SUGT1: variants seen among roughly 807,000 people sequenced by gnomAD.
SUGT1 encodes the protein protein SGT1 homolog.
A neutral mutation model predicts 56.1 loss-of-function variants in SUGT1; 15 were observed. The observed-to-expected ratio is 0.27, with a 90% CI of 0.18 to 0.41. The LOEUF is 0.41. SUGT1 is among the 10% of genes least tolerant of loss of function. The pLI is 1.00. For missense variants in SUGT1, 347 were observed against 382.2 expected, an observed-to-expected ratio of 0.91 and a Z score of 0.77; for synonymous variants, 123 against 128.6, an observed-to-expected ratio of 0.96 and a Z score of 0.30.
chr13:52,680,425 C>G (rs946691423), intron 12 of SUGT1, among the ~76,000 whole-genome samples: 1 of 152,108 alleles, frequency 6.6e-6, no homozygotes, highest in Non-Finnish European at 1.5e-5. Context: ...GGATTTATCC[C>G]AGTAGCTGAG....
At chr13:52,657,264 T>C (rs1962212337) in intron 2 of SUGT1, among the ~76,000 whole-genome samples, 1 of 152,218 alleles carries the variant, frequency 6.6e-6, no homozygotes, top group South Asian at 2.1e-4. Flanking sequence ...CTGATAATAA[T>C]GATCATTTAT....
At chr13:52,682,627 A>T (rs1392779887) in intron 12 of SUGT1, among the ~76,000 whole-genome samples, 1 of 152,182 alleles carries the variant, frequency 6.6e-6, no homozygotes, top group East Asian at 1.9e-4. Flanking sequence ...TTTCTCATTG[A>T]ATTGCTTTTG....
At chr13:52,679,117 A>G (rs1222233340) in intron 11 of SUGT1, among the ~76,000 whole-genome samples, 1 of 152,222 alleles carries the variant, frequency 6.6e-6, no homozygotes, top group Non-Finnish European at 1.5e-5. Flanking sequence ...TGTGACTCAC[A>G]TTTGAGGCTG....
rs1029811638 is a variant in SUGT1 at position 52,696,434 on chromosome 13, C to T, written c.*8599C>T. Reference sequence around the variant, plus strand: ...GTTAGTTGCGGCTGTGTCTGTTTTACCTTGTGTGTCTTGGTCAGTTAGTGT... The same window carrying T: ...GTTAGTTGCGGCTGTGTCTGTTTTATCTTGTGTGTCTTGGTCAGTTAGTGT... On this transcript the variant is annotated 3_prime_UTR_variant, in exon 13 of 13. Transcript: ENST00000310528. 2 of 152,050 alleles carry T rather than the reference C, an allele frequency of 1.3e-5. No homozygotes were observed. Among genetic ancestry groups the T allele is most frequent in the Non-Finnish European group, 2.9e-5 (2 of 68,024 alleles). The allele number at this position is 152,050 out of a possible 1,614,324, so 9.4% of individuals were successfully genotyped here.
chr13:52,663,105 C>A lies in SUGT1; in HGVS notation c.392C>A (p.Ser131Tyr). The A allele has an allele frequency of 6.2e-7, 1 of 1,608,556 alleles. No homozygotes were observed. Among genetic ancestry groups the A allele is most frequent in the African/African-American group, 1.3e-5 (1 of 74,800 alleles). The change falls in exon 7 of 13, where the codon TCT (serine) becomes TAT (tyrosine). Residue 131 changes from serine to tyrosine, a missense_variant. Transcript: ENST00000310528. ...TTTTATGTTTTAATAGGCTCAGAAT[C>A]TGAGGTGGTAAGTCCAAAGTTTTCA... is the stretch of plus-strand genomic sequence containing the variant. ...RCQEAQNGSE[S>Y]EVWTHQSKIK... is the part of the protein sequence containing the mutation.
chr13:52,663,216 T>A, intron 7 of SUGT1, 104 bp downstream of exon 7: 1 of 1,191,536 alleles, frequency 8.4e-7, no homozygotes, highest in Non-Finnish European at 1.2e-6. Context: ...ATTTAAATAT[T>A]AAGCAATTCC....
At position 52,694,783 on chromosome 13, in the gene SUGT1, G is replaced by A. The variant is rs576892727; in HGVS notation, c.*6948G>A. 8 of 152,376 alleles carry A rather than the reference G, an allele frequency of 5.3e-5. No individual in the cohort carries two copies. Among genetic ancestry groups the A allele is most frequent in the East Asian group, 1.9e-4 (1 of 5,182 alleles). The allele number at this position is 152,376 out of a possible 1,614,324, so 9.4% of individuals were successfully genotyped here. A position where few individuals can be genotyped will look rare whatever the true frequency, so the allele number is the denominator to read the frequency against. On this transcript the variant is annotated 3_prime_UTR_variant, in exon 13 of 13. Transcript: ENST00000310528. The stretch of plus-strand genomic sequence containing the variant: ...TGGCTCACTGCAAGCTCCGCCTCCC[G>A]GTTCACGCCATTCTCATGCCTCAGC...
At position 52,653,162 on chromosome 13, in the gene SUGT1, T is replaced by A. The variant is rs1961992061; in HGVS notation, c.96+59T>A. ...CTTAGGGGAGCTGGGCCACTTCGGGTCCCCGCTGACCCGCCTTCTCCCCGC... is the reference window on the plus strand; with the variant it reads ...CTTAGGGGAGCTGGGCCACTTCGGGACCCCGCTGACCCGCCTTCTCCCCGC... On this transcript the variant is annotated intron_variant, in intron 2 of 12. Transcript: ENST00000310528. 5 of 1,604,602 alleles carry A rather than the reference T, an allele frequency of 3.1e-6. No homozygotes were observed. The South Asian group carries it at 5.5e-5, about 18-fold the overall frequency.
In SUGT1 at chr13:52,667,853, G is replaced by T. The variant is rs529259059; in HGVS notation, c.627+934G>T. Reference sequence around the variant, plus strand: ...ATAAGACTGAATTTTCAGCACCTTTGAAAGGAGGGCTGTGGACCAAATGAA... The same window carrying T: ...ATAAGACTGAATTTTCAGCACCTTTTAAAGGAGGGCTGTGGACCAAATGAA... On this transcript the variant is annotated intron_variant, in intron 10 of 12. Coordinates refer to ENST00000310528, the MANE Select transcript of SUGT1 (RefSeq NM_006704.5). Among the ~76,000 whole-genome samples the T allele has an allele frequency of 3.9e-4, 59 of 152,242 alleles. No individual in the cohort carries two copies. The South Asian group carries it at 6.4e-3, about 17-fold the overall frequency.
chr13:52,667,311 A>G (rs1962748518), intron 10 of SUGT1, among the ~76,000 whole-genome samples: 1 of 152,188 alleles, frequency 6.6e-6, no homozygotes, highest in Admixed American at 6.5e-5. Flanking sequence ...AGTTAAAAAT[A>G]CAAACTACAA....
In SUGT1 at chr13:52,665,803, C is replaced by T. The variant is rs1311270798; in HGVS notation, c.519+70C>T. 25 of 1,003,578 alleles carry T rather than the reference C, an allele frequency of 2.5e-5. 1 individual carries two copies. In the South Asian group the frequency reaches 3.0e-4, roughly 12 times the overall value. The allele number at this position is 1,003,578 out of a possible 1,614,324, so 62.2% of individuals were successfully genotyped here. A position where few individuals can be genotyped will look rare whatever the true frequency, so the allele number is the denominator to read the frequency against. ...CAAATTTAGTATATTGCAGAATAAT[C>T]GATAACGGTTTATCAGATAAATGCT... On this transcript the variant is annotated intron_variant, in intron 9 of 12. Coordinates refer to ENST00000310528, the MANE Select transcript of SUGT1 (RefSeq NM_006704.5).
rs143953246 is a variant in SUGT1 at position 52,688,820 on chromosome 13, G to T, written c.*985G>T. 1.8e-3 allele frequency: 281 copies of T among 152,280 alleles called. 2 individuals carry two copies. Among genetic ancestry groups the T allele is most frequent in the African/African-American group, 6.5e-3 (269 of 41,570 alleles). 9.4% of individuals were successfully genotyped at this position (152,280 alleles called of 1,614,324 possible). Reference sequence around the variant, plus strand: ...AGCAGGGAAAAAAAATAACATTCATGAAGGAACTGTGGAAAGATTGAATGC... The same window carrying T: ...AGCAGGGAAAAAAAATAACATTCATTAAGGAACTGTGGAAAGATTGAATGC... On this transcript the variant is annotated 3_prime_UTR_variant, in exon 13 of 13. Transcript: ENST00000310528.
intron 10 of SUGT1, among the ~76,000 whole-genome samples, chr13:52,672,771 G>A (rs1339586845): frequency 6.6e-6 from 1 of 152,158 alleles, no homozygotes; most frequent in East Asian, 1.9e-4. Context: ...TAAGATGGTG[G>A]TGTCTGGATA....
Position 52,691,292 on chromosome 13 carries a change from CAAGTAA to C in SUGT1, c.*3459_*3464del, listed in dbSNP as rs1296649134. The C allele has an allele frequency of 1.3e-5, 2 of 152,090 alleles. No individual in the cohort carries two copies. The highest frequency in any genetic ancestry group is 6.6e-5 in the Admixed American group (1 of 15,262). The allele number at this position is 152,090 out of a possible 1,614,324, so 9.4% of individuals were successfully genotyped here. On this transcript the variant is annotated 3_prime_UTR_variant, in exon 13 of 13. Coordinates refer to ENST00000310528, the MANE Select transcript of SUGT1 (RefSeq NM_006704.5). ...AGCCACCATGCCCAGTTATGAACTT[CAAGTAA>C]ATATTTAAAATGGAGATACATCACA...
At chr13:52,654,297 A>G (rs1962057218) in intron 2 of SUGT1, among the ~76,000 whole-genome samples, 1 of 152,216 alleles carries the variant, frequency 6.6e-6, no homozygotes. Flanking sequence ...AATTTCTTGT[A>G]TTAGCTAGAC....
intron 2 of SUGT1, 131 bp downstream of exon 2, chr13:52,653,234 C>G (rs1961996520): frequency 2.8e-6 from 3 of 1,085,902 alleles, no homozygotes; most frequent in African/African-American, 3.2e-5. Context: ...CGTCTCAGCT[C>G]CGGTATTGAG....
At chr13:52,659,815 T>TATATATATATA (rs57747988) in intron 5 of SUGT1, among the ~76,000 whole-genome samples, 1 of 25,272 alleles carries the variant, frequency 4.0e-5, no homozygotes, top group Non-Finnish European at 5.9e-5. Flanking sequence ...TATATATATA[T>TATATATATATA]TTTTTTTTTT....
chr13:52,665,875 C>T, intron 9 of SUGT1, 142 bp downstream of exon 9: 2 of 607,078 alleles, frequency 3.3e-6, no homozygotes, highest in Admixed American at 3.7e-5. Flanking sequence ...AATCTGAAGC[C>T]ATTGCTTTGA....
rs1254371976 is a variant in SUGT1, at chr13:52,693,382, C to T, written c.*5547C>T. 1 of 152,032 alleles carries T rather than the reference C, an allele frequency of 6.6e-6. No individual in the cohort carries two copies. The highest frequency in any genetic ancestry group is 1.5e-5 in the Non-Finnish European group (1 of 67,998). The allele number at this position is 152,032 out of a possible 1,614,324, so 9.4% of individuals were successfully genotyped here. A position where few individuals can be genotyped will look rare whatever the true frequency, so the allele number is the denominator to read the frequency against. ...ATATAGGGTTTTTTAAAAAACTGTACCCTATAATGCAGCCACAGAAGATCT... is the reference window on the plus strand; with the variant it reads ...ATATAGGGTTTTTTAAAAAACTGTATCCTATAATGCAGCCACAGAAGATCT... On this transcript the variant is annotated 3_prime_UTR_variant, in exon 13 of 13. Transcript: ENST00000310528.
Sources: gnomAD v4.1 joint callset for allele counts (sites outside exome capture counted in the v4.1 genomes callset) on GRCh38, gnomAD v4.1.1 for gene constraint, MANE v1.5 for transcripts, NCBI Gene and HGNC (gene_info 2026-07-23, HGNC 2026-07-21) for gene names.